Variants in BPGM observed in about 807,000 individuals in gnomAD.
The protein encoded by BPGM is bisphosphoglycerate mutase.
BPGM carries 15 observed loss-of-function variants against 21.6 expected under a neutral mutation model. That is an observed-to-expected ratio of 0.70 (90% confidence interval 0.47 to 1.07). The LOEUF is 1.07. BPGM is among the 50% of genes least tolerant of loss of function. The pLI, the probability that BPGM is intolerant of heterozygous loss-of-function variation, is 0.00. For synonymous variants in BPGM, 113 were observed against 116.2 expected, an observed-to-expected ratio of 0.97 and a Z score of 0.18; for missense variants, 273 against 319.0, an observed-to-expected ratio of 0.86 and a Z score of 1.10.
chr7:134,655,035 G>A (rs1795615015), intron 1 of BPGM, among the ~76,000 whole-genome samples: 1 of 152,120 alleles, frequency 6.6e-6, no homozygotes, highest in Non-Finnish European at 1.5e-5. Context: ...TAACCTATGT[G>A]TTCTTTTTTT....
At chr7:134,671,462 C>T (rs746140339) in intron 2 of BPGM, among the ~76,000 whole-genome samples, 18 of 151,024 alleles carry the variant, frequency 1.2e-4, no homozygotes, top group Non-Finnish European at 1.9e-4. Context: ...CCCAGGTTCA[C>T]GCCATTCTCC....
chr7:134,657,677 G>A (rs556959020), intron 1 of BPGM, among the ~76,000 whole-genome samples: 10 of 152,144 alleles, frequency 6.6e-5, no homozygotes, highest in South Asian at 2.1e-4. Context: ...GGAAGAGGTC[G>A]TTTTCAGTTC....
At chr7:134,664,497 A>G (rs1795784173) in intron 2 of BPGM, among the ~76,000 whole-genome samples, 2 of 152,096 alleles carry the variant, frequency 1.3e-5, no homozygotes, top group African/African-American at 4.8e-5. Context: ...CTCCATTTTA[A>G]TGGGATTATT....
At chr7:134,656,229 G>C (rs1030627385) in intron 1 of BPGM, among the ~76,000 whole-genome samples, 1 of 152,174 alleles carries the variant, frequency 6.6e-6, no homozygotes, top group African/African-American at 2.4e-5. Flanking sequence ...TTTAAGCTGA[G>C]CTCTAAAGCT....
chr7:134,649,748 G>A (rs1795526854), intron 1 of BPGM, among the ~76,000 whole-genome samples: 1 of 152,196 alleles, frequency 6.6e-6, no homozygotes, highest in Non-Finnish European at 1.5e-5. Context: ...TTCTGAGACT[G>A]TATCTTACCA....
intron 1 of BPGM, among the ~76,000 whole-genome samples, chr7:134,657,345 C>T (rs909625256): frequency 6.6e-6 from 1 of 152,110 alleles, no homozygotes; most frequent in African/African-American, 2.4e-5. Context: ...CTGACATGCT[C>T]AAGGAAATAA....
chr7:134,669,308 T>C (rs904430104), intron 2 of BPGM, among the ~76,000 whole-genome samples: 1 of 152,226 alleles, frequency 6.6e-6, no homozygotes, highest in African/African-American at 2.4e-5. Context: ...GGAACTGCCT[T>C]TTAAAGTCCT....
intron 2 of BPGM, among the ~76,000 whole-genome samples, chr7:134,673,090 C>T (rs1471274391): frequency 4.6e-5 from 7 of 152,094 alleles, no homozygotes; most frequent in Admixed American, 1.3e-4. Flanking sequence ...AGGAGAATGG[C>T]GTGAACCCAG....
At chr7:134,648,925 T>C (rs192748937) in intron 1 of BPGM, among the ~76,000 whole-genome samples, 1 of 152,362 alleles carries the variant, frequency 6.6e-6, no homozygotes, top group South Asian at 2.1e-4. Context: ...TTGCAGTAAA[T>C]TCTGTACCAT....
chr7:134,650,674 G>C (rs908184010), intron 1 of BPGM, among the ~76,000 whole-genome samples: 2 of 152,208 alleles, frequency 1.3e-5, no homozygotes, highest in Admixed American at 1.3e-4. Flanking sequence ...TGTAATCCCA[G>C]CACTTTGGGA....
intron 2 of BPGM, among the ~76,000 whole-genome samples, chr7:134,662,908 A>G (rs1317710251): frequency 6.6e-6 from 1 of 152,198 alleles, no homozygotes; most frequent in Non-Finnish European, 1.5e-5. Flanking sequence ...ATTCAGGTTC[A>G]CCGGTTTTGA....
chr7:134,650,746 C>A (rs1477763131), intron 1 of BPGM, among the ~76,000 whole-genome samples: 1 of 152,140 alleles, frequency 6.6e-6, no homozygotes, highest in African/African-American at 2.4e-5. Context: ...CATGGTGAAA[C>A]CCTGTCTCTA....
At chr7:134,663,398 A>T (rs1187170737) in intron 2 of BPGM, among the ~76,000 whole-genome samples, 1 of 151,798 alleles carries the variant, frequency 6.6e-6, no homozygotes, top group Non-Finnish European at 1.5e-5. Flanking sequence ...GTGTGTGTGC[A>T]CGTGCGCATG....
chr7:134,652,947 G>A (rs7778281), intron 1 of BPGM, among the ~76,000 whole-genome samples: 151,582 of 152,348 alleles, frequency 0.99, 75,414 homozygotes, highest in Middle Eastern at 1. Flanking sequence ...TGGAGTGCAG[G>A]TATCTCTTCA....
intron 2 of BPGM, among the ~76,000 whole-genome samples, chr7:134,664,209 A>G (rs1434434784): frequency 3.9e-5 from 6 of 152,180 alleles, no homozygotes; most frequent in Non-Finnish European, 8.8e-5. Context: ...TGCCGTAAGA[A>G]AACAACCAAA....
chr7:134,678,989 G>C lies in BPGM; in HGVS notation c.738G>C (p.Lys246Asn), dbSNP rs1303807690. The change falls in exon 3 of 3, where the codon AAG becomes AAC. Residue 246 changes from lysine to asparagine, a missense_variant. Transcript: ENST00000344924. ...GDQEAIQAAI[K>N]KVEDQGKVKQ... ...AAGAGGCGATCCAAGCAGCCATTAAGAAAGTAGAAGATCAAGGAAAAGTGA... is the reference window on the plus strand; with the variant it reads ...AAGAGGCGATCCAAGCAGCCATTAACAAAGTAGAAGATCAAGGAAAAGTGA... The C allele has an allele frequency of 2.5e-6, 4 of 1,614,054 alleles. No individual in the cohort carries two copies. Among genetic ancestry groups the C allele is most frequent in the African/African-American group, 2.7e-5 (2 of 74,936 alleles).
chr7:134,662,475 A>C (rs1795752050), intron 2 of BPGM, among the ~76,000 whole-genome samples: 1 of 152,230 alleles, frequency 6.6e-6, no homozygotes, highest in African/African-American at 2.4e-5. Context: ...CCACACTTTG[A>C]GAAGCACTAG....
chr7:134,664,708 C>T (rs10441404), intron 2 of BPGM, among the ~76,000 whole-genome samples: 271 of 152,274 alleles, frequency 1.8e-3, no homozygotes, highest in African/African-American at 6.3e-3. Flanking sequence ...CCCAAGTGTT[C>T]ATCAACTTAT....
rs1393229818 is a variant in BPGM at position 134,679,089 on chromosome 7, T to C, written c.*58T>C. 6.4e-7 allele frequency: 1 copy of C among 1,574,042 alleles called. No individual in the cohort carries two copies. The highest frequency in any genetic ancestry group is 8.7e-7 in the Non-Finnish European group (1 of 1,148,088). On this transcript the variant is annotated 3_prime_UTR_variant, in exon 3 of 3. Coordinates refer to ENST00000344924, the MANE Select transcript of BPGM (RefSeq NM_001724.5). ...AAAGAAGTGGCATAGGAGTGTGTTA[T>C]GGGTGCTGAACTCTCTCTCTTTTTC...
Sources: allele counts gnomAD v4.1 joint callset (sites outside exome capture counted in the v4.1 genomes callset), GRCh38; gene constraint gnomAD v4.1.1; transcripts MANE v1.5; gene names NCBI Gene and HGNC (gene_info 2026-07-23, HGNC 2026-07-21).